ADARB2: variants seen among roughly 807,000 people sequenced by gnomAD.
ADARB2 encodes the protein inactive double-stranded RNA-specific editase B2.
ADARB2 carries 25 observed loss-of-function variants against 62.2 expected under a neutral mutation model. That is an observed-to-expected ratio of 0.40 (90% confidence interval 0.29 to 0.56). The LOEUF is 0.56. ADARB2 is among the 20% of genes least tolerant of loss of function. ADARB2 has a pLI of 0.43. For synonymous variants in ADARB2, 572 were observed against 500.8 expected (o/e 1.14, Z -1.90); for missense variants, 1,071 against 1,077.4 (o/e 0.99, Z 0.08).
At chr10:1,241,074 C>T (rs1378581201) in intron 5 of ADARB2, among the ~76,000 whole-genome samples, 2 of 152,178 alleles carry the variant, frequency 1.3e-5, no homozygotes, top group East Asian at 1.9e-4. Context: ...AGTTTGACAA[C>T]GTGATGAAAC....
intron 1 of ADARB2, among the ~76,000 whole-genome samples, chr10:1,723,561 G>A (rs1024978751): frequency 2.0e-5 from 3 of 152,208 alleles, no homozygotes; most frequent in Non-Finnish European, 4.4e-5. Context: ...CCATAAGAGA[G>A]TTATGAAGCA....
At chr10:1,565,250 T>G (rs186273635) in intron 1 of ADARB2, among the ~76,000 whole-genome samples, 2 of 152,348 alleles carry the variant, frequency 1.3e-5, no homozygotes, top group African/African-American at 4.8e-5. Context: ...TTCTGGTTTC[T>G]TTATACAAAA....
chr10:1,467,660 GGGGCGTGGAA>G (rs1318539316), intron 1 of ADARB2, among the ~76,000 whole-genome samples: 1 of 152,176 alleles, frequency 6.6e-6, no homozygotes, highest in Non-Finnish European at 1.5e-5. Context: ...TTTGCTCCTG[GGGGCGTGGAA>G]GGCAGAATCA....
chr10:1,692,168 A>G (rs1231801944), intron 1 of ADARB2, among the ~76,000 whole-genome samples: 1 of 152,202 alleles, frequency 6.6e-6, no homozygotes, highest in Non-Finnish European at 1.5e-5. Context: ...TGAGGATTAG[A>G]GGTTAGAATT....
At chr10:1,257,594 A>G (rs551577556) in intron 4 of ADARB2, among the ~76,000 whole-genome samples, 1 of 152,194 alleles carries the variant, frequency 6.6e-6, no homozygotes, top group East Asian at 1.9e-4. Flanking sequence ...GAGGACTTCA[A>G]AAGTCCAACG....
intron 1 of ADARB2, among the ~76,000 whole-genome samples, chr10:1,516,823 G>A (rs1181341733): frequency 6.6e-6 from 1 of 152,228 alleles, no homozygotes; most frequent in Non-Finnish European, 1.5e-5. Flanking sequence ...CTCACTTGAA[G>A]CGTTTGTATT....
intron 6 of ADARB2, among the ~76,000 whole-genome samples, chr10:1,217,461 G>C (rs1235752917): frequency 6.6e-6 from 1 of 152,212 alleles, no homozygotes; most frequent in African/African-American, 2.4e-5. Context: ...CGTCCTCAAT[G>C]CTTCATTTAC....
chr10:1,335,410 G>A (rs1265247291), intron 3 of ADARB2, among the ~76,000 whole-genome samples: 3 of 150,186 alleles, frequency 2.0e-5, no homozygotes, highest in Admixed American at 2.0e-4. Context: ...ATGACGGAAG[G>A]GATGGAGGGA....
chr10:1,220,049 TGGTG>T (rs1264517955), intron 6 of ADARB2, among the ~76,000 whole-genome samples: 1 of 136,792 alleles, frequency 7.3e-6, no homozygotes, highest in African/African-American at 3.0e-5. Context: ...GTAATGGTGA[TGGTG>T]GTGGTGGTGA....
intron 1 of ADARB2, among the ~76,000 whole-genome samples, chr10:1,509,101 G>A (rs532622037): frequency 5.9e-5 from 9 of 152,248 alleles, no homozygotes; most frequent in Middle Eastern, 6.8e-3. Context: ...ATCGTGCCTC[G>A]TTTCCTGCTT....
intron 1 of ADARB2, among the ~76,000 whole-genome samples, chr10:1,433,172 A>T (rs982625659): frequency 6.6e-6 from 1 of 152,178 alleles, no homozygotes; most frequent in Non-Finnish European, 1.5e-5. Context: ...CATGCAAGGA[A>T]AGGCGAAGCT....
At chr10:1,547,245 G>GAGA (rs1832536085) in intron 1 of ADARB2, among the ~76,000 whole-genome samples, 1 of 145,742 alleles carries the variant, frequency 6.9e-6, no homozygotes, top group African/African-American at 2.6e-5. Flanking sequence ...TGTGTTGGGG[G>GAGA]CAGAGGCTGC....
intron 1 of ADARB2, among the ~76,000 whole-genome samples, chr10:1,632,328 C>T (rs549569521): frequency 1.6e-4 from 25 of 152,238 alleles, no homozygotes; most frequent in African/African-American, 3.1e-4. Flanking sequence ...ACAATACTCA[C>T]GTGCACACAC....
At chr10:1,572,314 TGCAGGTGAGTGG>T (rs1164427991) in intron 1 of ADARB2, among the ~76,000 whole-genome samples, 1 of 152,068 alleles carries the variant, frequency 6.6e-6, no homozygotes, top group Non-Finnish European at 1.5e-5. Flanking sequence ...CAGGTGCGTG[TGCAGGTGAGTGG>T]GCACCTGTTT....
chr10:1,568,131 G>A (rs1832881488), intron 1 of ADARB2, among the ~76,000 whole-genome samples: 1 of 152,236 alleles, frequency 6.6e-6, no homozygotes, highest in Non-Finnish European at 1.5e-5. Flanking sequence ...AACCACCCGG[G>A]GAACAGTGTC....
intron 1 of ADARB2, among the ~76,000 whole-genome samples, chr10:1,488,460 A>G (rs573453259): frequency 1.6e-4 from 25 of 152,166 alleles, no homozygotes; most frequent in Non-Finnish European, 3.1e-4. Context: ...CAGGGAGGGC[A>G]TTACTGAATT....
At chr10:1,233,206 A>T (rs544997497) in intron 6 of ADARB2, among the ~76,000 whole-genome samples, 1 of 152,288 alleles carries the variant, frequency 6.6e-6, no homozygotes, top group Non-Finnish European at 1.5e-5. Flanking sequence ...ACCTCCATCG[A>T]TAAATGCTCA....
At position 1,591,461 on chromosome 10, in the gene ADARB2, TGGGGCTGCATTTGGGGGCAG is replaced by T. The variant is rs546014975; in HGVS notation, c.100+145570_100+145589del. Among the ~76,000 whole-genome samples, 51 of 152,270 alleles carry T rather than the reference TGGGGCTGCATTTGGGGGCAG, an allele frequency of 3.3e-4. 1 individual carries two copies. The highest frequency in any genetic ancestry group is 1.0e-3 in the African/African-American group (43 of 41,574). On this transcript the variant is annotated intron_variant, in intron 1 of 9. Coordinates refer to ENST00000381312, the MANE Select transcript of ADARB2 (RefSeq NM_018702.4). ...CCTGGACCCAAAGGCATCGAGACAG[TGGGGCTGCATTTGGGGGCAG>T]GGGTCTTCATGGGAGCCCCTGAGTT...
Position 1,682,780 on chromosome 10 carries a change from A to T in ADARB2, c.100+54271T>A, listed in dbSNP as rs150047554. 1.4e-4 allele frequency among the ~76,000 whole-genome samples: 22 copies of T among 152,340 alleles called. No individual in the cohort carries two copies. The East Asian group carries it at 4.2e-3, about 29-fold the overall frequency. The stretch of plus-strand genomic sequence containing the variant: ...GGTGACTGTAAGAAATTTAAATTGC[A>T]CATATTTACAGAAACAGAATAATAT... On this transcript the variant is annotated intron_variant, in intron 1 of 9. Coordinates refer to ENST00000381312, the MANE Select transcript of ADARB2 (RefSeq NM_018702.4).
Sources: allele counts gnomAD v4.1 joint callset (sites outside exome capture counted in the v4.1 genomes callset), GRCh38; gene constraint gnomAD v4.1.1; transcripts MANE v1.5; gene names NCBI Gene and HGNC (gene_info 2026-07-23, HGNC 2026-07-21).